MUCL1: variants seen among roughly 807,000 people sequenced by gnomAD.
MUCL1 encodes the protein mucin-like protein 1.
In MUCL1, 11 loss-of-function variants were observed where a neutral mutation model predicts 9.2. That is an observed-to-expected ratio of 1.19 (90% CI 0.75 to 1.97). MUCL1 has a LOEUF of 1.97. Among genes scored for constraint, MUCL1 ranks in the 30% most tolerant of loss-of-function variants. MUCL1 has a pLI of 0.00. For synonymous variants in MUCL1, 48 were observed against 40.5 expected, an observed-to-expected ratio of 1.19 and a Z score of -0.71; for missense variants, 144 against 110.9, an observed-to-expected ratio of 1.30 and a Z score of -1.34.
chr12:54,854,247 A>G (rs930400874), upstream of MUCL1, among the ~76,000 whole-genome samples: 3 of 152,216 alleles, frequency 2.0e-5, no homozygotes, highest in Admixed American at 2.0e-4. Context: ...GCTGGTAATT[A>G]TGGAGACACT....
At chr12:54,852,155 A>G (rs1340746517), upstream of MUCL1, among the ~76,000 whole-genome samples, 1 of 152,180 alleles carries the variant, frequency 6.6e-6, no homozygotes, top group Non-Finnish European at 1.5e-5. Flanking sequence ...GGAAAAAACT[A>G]CTTTAAAGTT....
chr12:54,841,470 A>G (rs1959211569), intron 1 of MUCL1, among the ~76,000 whole-genome samples: 2 of 152,256 alleles, frequency 1.3e-5, no homozygotes, highest in Non-Finnish European at 2.9e-5. Flanking sequence ...ACAGTATACA[A>G]ATGTTCCTTT....
At chr12:54,853,400 T>A (rs1868270593), upstream of MUCL1, among the ~76,000 whole-genome samples, 1 of 152,168 alleles carries the variant, frequency 6.6e-6, no homozygotes, top group Admixed American at 6.6e-5. Context: ...GCAAGTAGAT[T>A]GATGGAACTT....
intron 1 of MUCL1, among the ~76,000 whole-genome samples, chr12:54,846,352 G>A (rs867901246): frequency 1.3e-5 from 2 of 152,286 alleles, no homozygotes; most frequent in South Asian, 4.1e-4. Context: ...TTCCTCCTAG[G>A]GGTCTGACTA....
At chr12:54,843,294 A>G (rs184541145) in intron 1 of MUCL1, among the ~76,000 whole-genome samples, 2 of 152,306 alleles carry the variant, frequency 1.3e-5, no homozygotes, top group East Asian at 3.9e-4. Flanking sequence ...TTCTATTTAT[A>G]TTTTTGTAAG....
chr12:54,858,160 G>A (rs749797825), intron 3 of MUCL1, 33 bp from the exon 4 acceptor site: 17 of 1,612,010 alleles, frequency 1.1e-5, no homozygotes, highest in South Asian at 2.2e-5. Context: ...ATCCTTTGTC[G>A]AAGCCCCTTG....
chr12:54,841,697 T>C (rs559297030), intron 1 of MUCL1, among the ~76,000 whole-genome samples: 62 of 152,352 alleles, frequency 4.1e-4, no homozygotes, highest in Non-Finnish European at 7.8e-4. Flanking sequence ...TTACTATTAG[T>C]ATTTTTAGTT....
chr12:54,843,716 G>A (rs1241765718), intron 1 of MUCL1, among the ~76,000 whole-genome samples: 2 of 152,158 alleles, frequency 1.3e-5, no homozygotes, highest in Admixed American at 6.5e-5. Context: ...AGTAATGTGA[G>A]CAGCCTCCAG....
At chr12:54,840,576 G>A (rs1666876577) in intron 1 of MUCL1, among the ~76,000 whole-genome samples, 1 of 152,172 alleles carries the variant, frequency 6.6e-6, no homozygotes, top group Non-Finnish European at 1.5e-5. Context: ...GGGTCATAAA[G>A]TTTCCGCAAG....
intron 1 of MUCL1, among the ~76,000 whole-genome samples, chr12:54,833,063 T>C (rs1959187472): frequency 6.6e-6 from 1 of 152,156 alleles, no homozygotes; most frequent in South Asian, 2.1e-4. Flanking sequence ...ACTGTAACTT[T>C]ATATTAATTT....
At chr12:54,850,174 A>G (rs1005662217), upstream of MUCL1, among the ~76,000 whole-genome samples, 5 of 151,878 alleles carry the variant, frequency 3.3e-5, no homozygotes, top group Non-Finnish European at 7.4e-5. Context: ...TTTTTTTATT[A>G]TTACACTTTA....
In MUCL1 at chr12:54,840,581, C is replaced by T. The variant is rs116956253; in HGVS notation, c.43+1134C>T. Reference sequence around the variant, plus strand: ...GCAATGAGCGGGGTCATAAAGTTTCCGCAAGTTTCTGTCCTTTGCATTAAG... The same window carrying T: ...GCAATGAGCGGGGTCATAAAGTTTCTGCAAGTTTCTGTCCTTTGCATTAAG... On this transcript the variant is annotated intron_variant, in intron 1 of 3. Coordinates refer to the MUCL1 transcript ENST00000546809. Among the ~76,000 whole-genome samples, 110 of 152,212 alleles carry T rather than the reference C, an allele frequency of 7.2e-4. No individual in the cohort carries two copies. In the Middle Eastern group the frequency reaches 0.01, roughly 14 times the overall value.
chr12:54,839,280 G>A (rs1026593182), upstream of MUCL1: 15 of 680,068 alleles, frequency 2.2e-5, no homozygotes, highest in African/African-American at 2.6e-4. Flanking sequence ...TGAGCAGGTG[G>A]GATTGGAATG....
chr12:54,848,627 G>C (rs1378065), intron 1 of MUCL1, among the ~76,000 whole-genome samples: 4 of 151,924 alleles, frequency 2.6e-5, no homozygotes, highest in African/African-American at 7.3e-5. Flanking sequence ...TAGATAAAAA[G>C]ATTAGAATAT....
chr12:54,839,384 C>G (rs1170383612), exon 1 of MUCL1: 2 of 701,652 alleles, frequency 2.9e-6, no homozygotes, highest in Non-Finnish European at 2.6e-6. Context: ...CTGGATTGAA[C>G]AGTTCAGGCT....
At chr12:54,847,433 T>C (rs955465841) in intron 1 of MUCL1, among the ~76,000 whole-genome samples, 1 of 152,118 alleles carries the variant, frequency 6.6e-6, no homozygotes, top group African/African-American at 2.4e-5. Context: ...CTGACCAACA[T>C]GGTGAAACTC....
upstream of MUCL1, among the ~76,000 whole-genome samples, chr12:54,836,541 T>C (rs1352059773): frequency 6.6e-6 from 1 of 152,210 alleles, no homozygotes; most frequent in Non-Finnish European, 1.5e-5. Context: ...AAACAACTTT[T>C]TGTTTCATTG....
intron 1 of MUCL1, among the ~76,000 whole-genome samples, chr12:54,833,113 C>G (rs1592244329): frequency 6.6e-6 from 1 of 152,078 alleles, no homozygotes; most frequent in East Asian, 1.9e-4. Flanking sequence ...TTTGACTTTC[C>G]TTAGAGCTGT....
intron 1 of MUCL1, among the ~76,000 whole-genome samples, chr12:54,840,710 T>C (rs1169300278): frequency 1.3e-5 from 2 of 152,152 alleles, no homozygotes; most frequent in African/African-American, 4.8e-5. Flanking sequence ...CCAGTGGGGA[T>C]TGGAGGGCAG....
Sources: gnomAD v4.1 joint callset for allele counts (sites outside exome capture counted in the v4.1 genomes callset) on GRCh38, gnomAD v4.1.1 for gene constraint, MANE v1.5 for transcripts, NCBI Gene and HGNC (gene_info 2026-07-23, HGNC 2026-07-21) for gene names.